ACTR8: variants seen among roughly 807,000 people sequenced by gnomAD.
The protein encoded by ACTR8 is actin-related protein 8.
Under a neutral mutation model 84.3 loss-of-function variants are expected in ACTR8, and 70 were observed. The observed-to-expected ratio is 0.83, with a 90% CI of 0.68 to 1.01. The LOEUF is 1.01. ACTR8 is among the 50% of genes least tolerant of loss of function. ACTR8 has a pLI of 0.00. For missense variants in ACTR8, 672 were observed against 775.4 expected, an observed-to-expected ratio of 0.87 and a Z score of 1.58; for synonymous variants, 268 against 275.2, an observed-to-expected ratio of 0.97 and a Z score of 0.26.
chr3:53,876,084 G>GA lies in ACTR8; in HGVS notation c.779-5_779-4insT, dbSNP rs762270577. 1.9e-6 allele frequency: 3 copies of GA among 1,582,006 alleles called. No individual in the cohort carries two copies. Among genetic ancestry groups the GA allele is most frequent in the African/African-American group, 1.6e-5 (1 of 62,410 alleles). On this transcript the variant is annotated splice_region_variant and splice_polypyrimidine_tract_variant and intron_variant, in intron 6 of 12. Transcript: ENST00000335754. ...GACTCCTGATGGACCACAATCCCTG[G>GA]GGGGGGAAAAGAAAAGGCAGAGTAG...
the ACTR8 span, chr3:53,859,070 C>A: frequency 2.5e-6 from 1 of 395,548 alleles, no homozygotes; most frequent in Non-Finnish European, 4.6e-6. Context: ...GAAAAAAATA[C>A]ACAGTGCAAA....
chr3:53,870,282 C>T lies in ACTR8; in HGVS notation c.1568-137G>A, dbSNP rs1234733775. 1.1e-5 allele frequency: 11 copies of T among 968,048 alleles called. No individual in the cohort carries two copies. The highest frequency in any genetic ancestry group is 1.7e-5 in the Non-Finnish European group (11 of 650,280). The allele number at this position is 968,048 out of a possible 1,614,324, so 60.0% of individuals were successfully genotyped here. On this transcript the variant is annotated intron_variant, in intron 11 of 12. Transcript: ENST00000335754. The surrounding 1 kb of genome is among the most constrained non-coding windows in gnomAD (Gnocchi z 4.1). Reference sequence around the variant, plus strand: ...CTCCAGCCCACCCTCCACACTGCAGCCAGGGGAACCCTACGAAACACAAAT... The same window carrying T: ...CTCCAGCCCACCCTCCACACTGCAGTCAGGGGAACCCTACGAAACACAAAT...
Position 53,872,533 on chromosome 3 carries a change from G to A in ACTR8, c.1162-9C>T. 2.5e-6 allele frequency: 4 copies of A among 1,578,942 alleles called. No individual in the cohort carries two copies. The highest frequency in any genetic ancestry group is 3.4e-6 in the Non-Finnish European group (4 of 1,168,106). ...AACAAAGCCATTGGAGCCTGTACAT[G>A]AAGAAAAAGAGTGATCAACAAAAGA... On this transcript the variant is annotated splice_polypyrimidine_tract_variant and intron_variant, in intron 9 of 12. Coordinates refer to ENST00000335754, the MANE Select transcript of ACTR8 (RefSeq NM_022899.5).
chr3:53,864,107 G>A (rs1487889425), downstream of ACTR8, among the ~76,000 whole-genome samples: 1 of 152,072 alleles, frequency 6.6e-6, no homozygotes, highest in Non-Finnish European at 1.5e-5. Context: ...CCTGGTGTAA[G>A]CCACCACACC....
chr3:53,860,303 C>T, the ACTR8 span: 1 of 1,215,788 alleles, frequency 8.2e-7, no homozygotes, highest in Non-Finnish European at 1.2e-6. Flanking sequence ...GAAGATTCCT[C>T]TGGAGGCAAT....
intron 8 of ACTR8, among the ~76,000 whole-genome samples, chr3:53,873,734 T>C (rs1699923539): frequency 6.6e-6 from 1 of 152,356 alleles, no homozygotes; most frequent in Middle Eastern, 3.4e-3. Context: ...GCTCGGACTT[T>C]AGCAAAAAAC....
rs750883632 is a variant in ACTR8, at chr3:53,873,016, G to C, written c.1161+16C>G. ...AACTTTCTTTCTACCCATGGAAACA[G>C]ATACCTATAAGTTACCTGCAGTTTT... is the stretch of plus-strand genomic sequence containing the variant. On this transcript the variant is annotated intron_variant, in intron 9 of 12. Transcript: ENST00000335754. The C allele has an allele frequency of 1.9e-6, 3 of 1,584,158 alleles. No individual in the cohort carries two copies. The East Asian group carries it at 6.7e-5, about 36-fold the overall frequency.
intron 2 of ACTR8, among the ~76,000 whole-genome samples, chr3:53,879,713 T>C (rs1381788742): frequency 6.6e-6 from 1 of 152,242 alleles, no homozygotes; most frequent in Non-Finnish European, 1.5e-5. Context: ...TCTTCCATTA[T>C]AGATCACCTT....
Position 53,871,242 on chromosome 3 carries a change from T to C in ACTR8, c.1557A>G (p.Ile519Met). 6.2e-7 allele frequency: 1 copy of C among 1,613,296 alleles called. No homozygotes were observed. Among genetic ancestry groups the C allele is most frequent in the African/African-American group, 1.3e-5 (1 of 75,054 alleles). ...LGLDKAILHS[I>M]DCCSSDDTKK... ...CCCAGATGTGCTTACAACAGCAGTC[T>C]ATGCTATGGAGGATGGCTTTATCCA... Residue 519 changes from isoleucine to methionine, a missense_variant, in exon 11 of 13, where the codon ATA becomes ATG. Physicochemically the swap from Ile to Met is conservative, Grantham distance 10. Transcript: ENST00000335754.
At chr3:53,862,088 T>C (rs148806257), downstream of ACTR8, among the ~76,000 whole-genome samples, 310 of 152,306 alleles carry the variant, frequency 2.0e-3, no homozygotes, top group African/African-American at 6.6e-3. Context: ...CTGGATTGGT[T>C]CCACTGATGC....
intron 10 of ACTR8, among the ~76,000 whole-genome samples, chr3:53,872,082 T>C (rs191603462): frequency 5.9e-5 from 9 of 152,330 alleles, no homozygotes; most frequent in Non-Finnish European, 1.2e-4. Context: ...GGTGAGATTT[T>C]AATGAAAATA....
In ACTR8 at chr3:53,872,442, T is replaced by C. The variant is rs746741793; in HGVS notation, c.1244A>G (p.Asp415Gly). 3 of 1,611,716 alleles carry C rather than the reference T, an allele frequency of 1.9e-6. No individual in the cohort carries two copies. Among genetic ancestry groups the C allele is most frequent in the Non-Finnish European group, 2.5e-6 (3 of 1,179,230 alleles). Residue 415 changes from aspartate to glycine, a missense_variant, in exon 10 of 13, where the codon GAT becomes GGT. Transcript: ENST00000335754. Reference protein sequence around the residue: ...MTTLQHRSQGDPEDPHDEHYL... With the variant: ...MTTLQHRSQGGPEDPHDEHYL... Reference sequence around the variant, plus strand: ...ATGTTCATCGTGAGGATCCTCAGGATCGCCCTGAGATCTGTGCTGCAAAGT... The same window carrying C: ...ATGTTCATCGTGAGGATCCTCAGGACCGCCCTGAGATCTGTGCTGCAAAGT...
chr3:53,872,284 A>G, intron 10 of ACTR8, 100 bp downstream of exon 10: 1 of 1,274,868 alleles, frequency 7.8e-7, no homozygotes, highest in Non-Finnish European at 1.0e-6. Context: ...CAGTGTTATT[A>G]TGCTGGAAGA....
chr3:53,877,993 G>A (rs1169600945), intron 3 of ACTR8, among the ~76,000 whole-genome samples: 8 of 151,982 alleles, frequency 5.3e-5, no homozygotes, highest in Non-Finnish European at 1.0e-4. Flanking sequence ...AACACTAAAC[G>A]CTGCTTAAAG....
Position 53,874,258 on chromosome 3 carries a change from A to T in ACTR8, c.1018T>A (p.Cys340Ser). 2 of 1,614,168 alleles carry T rather than the reference A, an allele frequency of 1.2e-6. No individual in the cohort carries two copies. Among genetic ancestry groups the T allele is most frequent in the Non-Finnish European group, 1.7e-6 (2 of 1,180,014 alleles). Residue 340 changes from cysteine to serine, a missense_variant, in exon 8 of 13, where the codon TGT becomes AGT. Cys to Ser is a moderately radical substitution (Grantham distance 112). Transcript: ENST00000335754. ...TCTTTAAGGTGTTGCAGAAGAAGAC[A>T]ATCCATTTTATTTGTTAACTGGCAT... ...RECQLTNKMDCLLLQHLKETF... is the reference protein window; with the variant it reads ...RECQLTNKMDSLLLQHLKETF...
At chr3:53,864,740 TCA>T, downstream of ACTR8, 3 of 1,591,630 alleles carry the variant, frequency 1.9e-6, no homozygotes, top group Non-Finnish European at 2.6e-6. Flanking sequence ...TTTTCTCCTC[TCA>T]CAGAAAGGAT....
chr3:53,881,853 G>A, intron 1 of ACTR8, 126 bp downstream of exon 1: 2 of 1,398,776 alleles, frequency 1.4e-6, no homozygotes, highest in South Asian at 1.3e-5. Context: ...GACCGCTTCC[G>A]CACTCCCCCC....
In ACTR8 at chr3:53,867,185, A is replaced by T. The variant is rs1269971585; in HGVS notation, c.*1534T>A. The stretch of plus-strand genomic sequence containing the variant: ...TTGGACCAGAAACCAACTTCCTTTG[A>T]AACAGCTCTACCAGTTATAAGAGCA... On this transcript the variant is annotated 3_prime_UTR_variant, in exon 13 of 13. Coordinates refer to ENST00000335754, the MANE Select transcript of ACTR8 (RefSeq NM_022899.5). 1 of 152,234 alleles carries T rather than the reference A, an allele frequency of 6.6e-6. No individual in the cohort carries two copies. Among genetic ancestry groups the T allele is most frequent in the South Asian group, 2.1e-4 (1 of 4,836 alleles). The allele number at this position is 152,234 out of a possible 1,614,324, so 9.4% of individuals were successfully genotyped here.
chr3:53,875,851 T>TA (rs1403453286), intron 7 of ACTR8, 97 bp downstream of exon 7: 1 of 1,525,628 alleles, frequency 6.6e-7, no homozygotes, highest in Non-Finnish European at 8.9e-7. Context: ...AATTTATGGT[T>TA]ATCTTATAAT....
Sources: allele counts gnomAD v4.1 joint callset (sites outside exome capture counted in the v4.1 genomes callset), GRCh38; gene constraint gnomAD v4.1.1; non-coding constraint Gnocchi (gnomAD v3.1); transcripts MANE v1.5; gene names NCBI Gene and HGNC (gene_info 2026-07-23, HGNC 2026-07-21).